ENPP2: variants seen among roughly 807,000 people sequenced by gnomAD.
The protein encoded by ENPP2 is ectonucleotide pyrophosphatase/phosphodiesterase 2, also known as autotaxin.
ENPP2 carries 51 observed loss-of-function variants against 120.2 expected under a neutral mutation model. The observed-to-expected ratio is 0.42, with a 90% confidence interval of 0.34 to 0.54. ENPP2 has a LOEUF of 0.54. Among genes scored for constraint, ENPP2 ranks in the 20% least tolerant of loss-of-function variants. The pLI, the probability that ENPP2 is intolerant of heterozygous loss-of-function variation, is 0.04. For missense variants in ENPP2, 920 were observed against 1,066.5 expected (o/e 0.86, Z 1.91); for synonymous variants, 365 against 366.4 (o/e 1.00, Z 0.04).
chr8:119,580,550 A>C (rs1007980865), intron 18 of ENPP2: 30 of 195,724 alleles, frequency 1.5e-4, no homozygotes, highest in African/African-American at 6.6e-4. Flanking sequence ...TAATTTATGA[A>C]ATCACTTTTC....
chr8:119,615,181 A>G (rs998956141), intron 8 of ENPP2, among the ~76,000 whole-genome samples: 1 of 152,168 alleles, frequency 6.6e-6, no homozygotes, highest in African/African-American at 2.4e-5. Flanking sequence ...GGATGTGTGC[A>G]GACACTGCCC....
Position 119,569,307 on chromosome 8 carries a change from G to C in ENPP2, c.1981C>G (p.Pro661Ala). ...SCVRPDVRVSPSFSQNCLAYK... is the reference protein window; with the variant it reads ...SCVRPDVRVSASFSQNCLAYK... Reference sequence around the variant, plus strand: ...GCCAAACAGTTCTGACTGAAACTCGGAGAAACACGGACATCAGGCCGGACG... The same window carrying C: ...GCCAAACAGTTCTGACTGAAACTCGCAGAAACACGGACATCAGGCCGGACG... Residue 661 changes from proline to alanine, a missense_variant, in exon 21 of 25, where the codon CCG becomes GCG. By Grantham distance (27) the Pro-to-Ala change is conservative. Transcript: ENST00000075322. 1 of 1,614,008 alleles carries C rather than the reference G, an allele frequency of 6.2e-7. No individual in the cohort carries two copies. The highest frequency in any genetic ancestry group is 1.1e-5 in the South Asian group (1 of 91,068).
rs757290550 is a variant in ENPP2, at chr8:119,568,193, T to C, written c.2113A>G (p.Met705Val). The C allele has an allele frequency of 5.7e-6, 9 of 1,583,146 alleles. No individual in the cohort carries two copies. Among genetic ancestry groups the C allele is most frequent in the Non-Finnish European group, 6.9e-6 (8 of 1,152,246 alleles). The change falls in exon 22 of 25, where the codon ATG becomes GTG. Residue 705 changes from methionine to valine, a missense_variant. Coordinates refer to ENST00000075322, the MANE Select transcript of ENPP2 (RefSeq NM_001040092.3). The part of the protein sequence containing the change: ...DAFLVTNMVP[M>V]YPAFKRVWNY... ...GACTTACGTTTGAAAGCAGGATACA[T>C]TGGAACCATATTGGTTACAAGGAAT...
intron 9 of ENPP2, 101 bp downstream of exon 9, chr8:119,607,821 T>C: frequency 1.3e-6 from 1 of 761,600 alleles, no homozygotes; most frequent in Non-Finnish European, 2.1e-6. Context: ...AAGTTCTATA[T>C]TTTCACATTT....
At chr8:119,645,977 T>C (rs935029445) in intron 1 of ENPP2, among the ~76,000 whole-genome samples, 90 of 152,080 alleles carry the variant, frequency 5.9e-4, no homozygotes, top group Non-Finnish European at 7.8e-4. Flanking sequence ...TTCTAAACTT[T>C]TTTTTTTTGA....
intron 1 of ENPP2, among the ~76,000 whole-genome samples, chr8:119,662,957 AT>A: frequency 6.6e-6 from 1 of 152,048 alleles, no homozygotes; most frequent in Non-Finnish European, 1.5e-5. Flanking sequence ...CCAAAAATAT[AT>A]TTTTTTAAAT....
intron 3 of ENPP2, among the ~76,000 whole-genome samples, chr8:119,622,141 C>T (rs908393198): frequency 6.6e-6 from 1 of 152,116 alleles, no homozygotes; most frequent in East Asian, 1.9e-4. Context: ...GGTGGCCAGG[C>T]TGGTCTCAAA....
At chr8:119,639,451 C>T (rs1452123663), upstream of ENPP2, among the ~76,000 whole-genome samples, 1 of 152,070 alleles carries the variant, frequency 6.6e-6, no homozygotes, top group Non-Finnish European at 1.5e-5. Flanking sequence ...CATTATTTTC[C>T]CCATGCTGTG....
At chr8:119,666,605 A>G (rs995070706) in intron 1 of ENPP2, among the ~76,000 whole-genome samples, 24 of 152,110 alleles carry the variant, frequency 1.6e-4, no homozygotes, top group African/African-American at 5.8e-4. Flanking sequence ...ACATGGAGAA[A>G]ACCCATCTCT....
At position 119,583,814 on chromosome 8, in the gene ENPP2, G is replaced by T. The variant is rs755204781; in HGVS notation, c.1456-10C>A. On this transcript the variant is annotated splice_polypyrimidine_tract_variant and intron_variant, in intron 16 of 24. Coordinates refer to ENST00000075322, the MANE Select transcript of ENPP2 (RefSeq NM_001040092.3). ...AACCTACAAAAACAGTCTTCCAAAAGAAAAGAAAAACAAAAACAGTTAAGC... is the reference window on the plus strand; with the variant it reads ...AACCTACAAAAACAGTCTTCCAAAATAAAAGAAAAACAAAAACAGTTAAGC... 1.3e-6 allele frequency: 2 copies of T among 1,561,978 alleles called. No individual in the cohort carries two copies. Among genetic ancestry groups the T allele is most frequent in the Non-Finnish European group, 1.8e-6 (2 of 1,138,244 alleles).
chr8:119,599,660 A>G lies in ENPP2; in HGVS notation c.972+1018T>C, dbSNP rs962792137. Among the ~76,000 whole-genome samples the G allele has an allele frequency of 2.6e-5, 4 of 152,270 alleles. No individual in the cohort carries two copies. The South Asian group carries it at 8.3e-4, about 32-fold the overall frequency. ...CCTTCTGAATTTGAAATTATACTGG[A>G]TACTACCTCACAGATTGTCTTCCAC... On this transcript the variant is annotated intron_variant, in intron 11 of 24. Coordinates refer to ENST00000075322, the MANE Select transcript of ENPP2 (RefSeq NM_001040092.3).
chr8:119,598,724 G>A (rs1404058641), intron 11 of ENPP2, among the ~76,000 whole-genome samples: 3 of 152,138 alleles, frequency 2.0e-5, no homozygotes, highest in Non-Finnish European at 4.4e-5. Context: ...TAAAGAAAAT[G>A]TTCTGTATAA....
intron 19 of ENPP2, among the ~76,000 whole-genome samples, chr8:119,577,750 T>A (rs1812443839): frequency 6.6e-6 from 1 of 152,180 alleles, no homozygotes; most frequent in Non-Finnish European, 1.5e-5. Context: ...AAACTCTCAG[T>A]GGTACAGTTG....
intron 1 of ENPP2, among the ~76,000 whole-genome samples, chr8:119,647,303 A>G (rs1202978362): frequency 2.6e-5 from 4 of 151,880 alleles, no homozygotes; most frequent in African/African-American, 9.7e-5. Context: ...CCCGTCTGCA[A>G]CCTCTTTTAA....
chr8:119,626,560 C>G lies in ENPP2; in HGVS notation c.292+5G>C. ...GAAGGTAGAGAGGACTCATAAGTTA[C>G]GTACCTGTCTTCAAACACAGCTCAT... On this transcript the variant is annotated splice_donor_5th_base_variant and intron_variant, in intron 3 of 24. Coordinates refer to ENST00000075322, the MANE Select transcript of ENPP2 (RefSeq NM_001040092.3). 6.2e-7 allele frequency: 1 copy of G among 1,612,932 alleles called. No individual in the cohort carries two copies. Among genetic ancestry groups the G allele is most frequent in the Non-Finnish European group, 8.5e-7 (1 of 1,179,034 alleles).
intron 11 of ENPP2, among the ~76,000 whole-genome samples, chr8:119,599,145 T>G (rs1814108504): frequency 6.6e-6 from 1 of 152,214 alleles, no homozygotes; most frequent in Non-Finnish European, 1.5e-5. Flanking sequence ...ATGCAGATGT[T>G]TATCTCATTT....
At chr8:119,583,233 C>T (rs1332986721) in intron 17 of ENPP2, among the ~76,000 whole-genome samples, 2 of 152,164 alleles carry the variant, frequency 1.3e-5, no homozygotes, top group Non-Finnish European at 2.9e-5. Flanking sequence ...TGCAGACTCC[C>T]CCTCTAACCA....
intron 1 of ENPP2, among the ~76,000 whole-genome samples, chr8:119,645,079 C>T (rs894840542): frequency 4.6e-5 from 7 of 152,294 alleles, no homozygotes; most frequent in African/African-American, 1.7e-4. Context: ...CAGTCTCACT[C>T]ACATAGGCAG....
At chr8:119,658,932 G>A (rs1454241398) in intron 1 of ENPP2, among the ~76,000 whole-genome samples, 2 of 152,142 alleles carry the variant, frequency 1.3e-5, no homozygotes, top group Non-Finnish European at 2.9e-5. Context: ...AAAGGGATCA[G>A]GCAACTGCCT....
Sources: allele counts gnomAD v4.1 joint callset (sites outside exome capture counted in the v4.1 genomes callset), GRCh38; gene constraint gnomAD v4.1.1; transcripts MANE v1.5; gene names NCBI Gene and HGNC (gene_info 2026-07-23, HGNC 2026-07-21).